HDAC9: variants seen among roughly 807,000 people sequenced by gnomAD.
HDAC9 encodes the protein histone deacetylase 9, also known as MEF-2 interacting transcription repressor (MITR) protein.
A neutral mutation model predicts 139.4 loss-of-function variants in HDAC9; 41 were observed. The observed-to-expected ratio is 0.29, with a 90% confidence interval of 0.23 to 0.38. The LOEUF (loss-of-function observed/expected upper bound fraction) is 0.38. Among genes scored for constraint, HDAC9 ranks in the 10% least tolerant of loss-of-function variants. HDAC9 has a pLI of 1.00. For missense variants in HDAC9, 1,147 were observed against 1,297.0 expected, an observed-to-expected ratio of 0.88 and a Z score of 1.78; for synonymous variants, 517 against 476.2, an observed-to-expected ratio of 1.09 and a Z score of -1.12.
intron 1 of HDAC9, among the ~76,000 whole-genome samples, chr7:18,392,396 GATGGATAGATA>G (rs1786607710): frequency 1.7e-5 from 2 of 120,300 alleles, no homozygotes; most frequent in African/African-American, 3.3e-5. Context: ...TGGATAGATA[GATGGATAGATA>G]GATAGATAGA....
At chr7:18,331,613 C>T (rs1467816553) in intron 1 of HDAC9, among the ~76,000 whole-genome samples, 1 of 141,024 alleles carries the variant, frequency 7.1e-6, no homozygotes, top group East Asian at 2.0e-4. Context: ...TATCCCAGAA[C>T]TTAAAGTATA....
intron 13 of HDAC9, among the ~76,000 whole-genome samples, chr7:18,740,889 T>C (rs1482946049): frequency 6.6e-6 from 1 of 152,210 alleles, no homozygotes; most frequent in African/African-American, 2.4e-5. Flanking sequence ...GAGAGAGTTT[T>C]AGTGGTCTTG....
chr7:18,745,039 T>C (rs1787813372), intron 13 of HDAC9, among the ~76,000 whole-genome samples: 1 of 152,166 alleles, frequency 6.6e-6, no homozygotes, highest in South Asian at 2.1e-4. Flanking sequence ...TATGTTATAT[T>C]GCAAATGGTA....
Position 18,671,686 on chromosome 7 carries a change from C to T in HDAC9, c.1731+5210C>T, listed in dbSNP as rs111496186. 1.3e-3 allele frequency among the ~76,000 whole-genome samples: 195 copies of T among 151,972 alleles called. 2 individuals are homozygous for T. The highest frequency in any genetic ancestry group is 4.3e-3 in the African/African-American group (179 of 41,470). ...TCCAAAACACTTCCATTAACCCCAA[C>T]TCAAAAAAAAATCTTGTACCAACTA... is the stretch of plus-strand genomic sequence containing the variant. On this transcript the variant is annotated intron_variant, in intron 12 of 25. Transcript: ENST00000686413.
chr7:18,551,185 T>C (rs1166883439), intron 2 of HDAC9, among the ~76,000 whole-genome samples: 2 of 152,168 alleles, frequency 1.3e-5, no homozygotes, highest in Non-Finnish European at 2.9e-5. Flanking sequence ...ACAACCAATA[T>C]GGAGAAGATG....
At chr7:18,276,799 CCTGT>C (rs1404737453) in intron 2 of HDAC9, among the ~76,000 whole-genome samples, 5 of 152,082 alleles carry the variant, frequency 3.3e-5, no homozygotes, top group Non-Finnish European at 4.4e-5. Context: ...TTCATTTTAG[CCTGT>C]CTAATATTTA....
intron 8 of HDAC9, among the ~76,000 whole-genome samples, chr7:18,639,391 T>C (rs550509059): frequency 7.9e-5 from 12 of 152,222 alleles, no homozygotes; most frequent in African/African-American, 2.9e-4. Context: ...TATTTTAAAG[T>C]AAGATCTTTA....
chr7:18,829,594 A>C (rs1265108185), intron 19 of HDAC9, 46 bp downstream of exon 19: 2 of 1,194,918 alleles, frequency 1.7e-6, no homozygotes, highest in Admixed American at 3.7e-5. Flanking sequence ...TTCTAGATAA[A>C]GGGGAGTGGA....
rs185507277 is a variant in HDAC9, at chr7:18,556,961, A to G, written c.23-28320A>G. ...TCTTTTATTTGCTTCCTGTATGGCA[A>G]GTTCAGAAACCTATTAATATTGCTA... is the stretch of plus-strand genomic sequence containing the variant. On this transcript the variant is annotated intron_variant, in intron 2 of 25. Transcript: ENST00000686413. Among the ~76,000 whole-genome samples, 6 of 152,190 alleles carry G rather than the reference A, an allele frequency of 3.9e-5. No homozygotes were observed. The East Asian group carries it at 7.7e-4, about 20-fold the overall frequency.
chr7:18,732,665 GTGTA>G lies in HDAC9; in HGVS notation c.1909+4910_1909+4913del, dbSNP rs1455674010. ...CATATGTGTATATATACACACACAC[GTGTA>G]TATGTGTGCGTATGTGTACACACAC... On this transcript the variant is annotated intron_variant, in intron 13 of 25. Transcript: ENST00000686413. Among the ~76,000 whole-genome samples the G allele has an allele frequency of 1.4e-4, 20 of 138,874 alleles. 5 individuals are homozygous for G. The highest frequency in any genetic ancestry group is 4.8e-4 in the African/African-American group (17 of 35,366). The allele number at this position is 138,874 out of a possible 152,430, so 91.1% of individuals were successfully genotyped here. A position where few individuals can be genotyped will look rare whatever the true frequency, so the allele number is the denominator to read the frequency against.
chr7:18,408,962 G>C (rs1003937972), intron 1 of HDAC9, among the ~76,000 whole-genome samples: 3 of 152,134 alleles, frequency 2.0e-5, no homozygotes, highest in African/African-American at 7.2e-5. Flanking sequence ...GCTTTTTGGA[G>C]ATAATCAAAT....
At chr7:18,603,692 G>C (rs147595899) in intron 6 of HDAC9, among the ~76,000 whole-genome samples, 2 of 152,052 alleles carry the variant, frequency 1.3e-5, no homozygotes, top group East Asian at 3.9e-4. Context: ...TTAACTATTA[G>C]ATCAATTGAT....
chr7:18,447,017 T>C (rs1481831269), intron 1 of HDAC9, among the ~76,000 whole-genome samples: 1 of 152,150 alleles, frequency 6.6e-6, no homozygotes, highest in Non-Finnish European at 1.5e-5. Context: ...AAACAAAAAG[T>C]TTTGAATATT....
chr7:18,290,572 TG>T, intron 1 of HDAC9: 1 of 456,358 alleles, frequency 2.2e-6, no homozygotes, highest in Non-Finnish European at 4.4e-6. Flanking sequence ...GTGGGGTAGA[TG>T]TTTTTAAGTC....
chr7:18,382,798 C>G (rs1191232112), intron 1 of HDAC9, among the ~76,000 whole-genome samples: 2 of 152,116 alleles, frequency 1.3e-5, no homozygotes, highest in Non-Finnish European at 2.9e-5. Context: ...AGACAAATAT[C>G]TCCATTCATG....
intron 1 of HDAC9, among the ~76,000 whole-genome samples, chr7:18,124,245 G>A (rs1784525704): frequency 6.6e-6 from 1 of 152,172 alleles, no homozygotes; most frequent in Non-Finnish European, 1.5e-5. Context: ...ATATCTGTTG[G>A]GTGAATGTTA....
intron 1 of HDAC9, among the ~76,000 whole-genome samples, chr7:18,104,175 A>G (rs945107506): frequency 7.9e-5 from 12 of 152,142 alleles, no homozygotes; most frequent in African/African-American, 2.9e-4. Flanking sequence ...TTTTTCTTTT[A>G]TCAACTTTAT....
At chr7:18,341,927 C>T (rs570731378) in intron 1 of HDAC9, among the ~76,000 whole-genome samples, 1 of 151,802 alleles carries the variant, frequency 6.6e-6, no homozygotes, top group Non-Finnish European at 1.5e-5. Context: ...TCAGGCATGA[C>T]TAGAGTAATG....
intron 1 of HDAC9, chr7:18,430,726 CA>C (rs61398820): frequency 0.92 from 136,710 of 148,756 alleles, 63,202 homozygotes; most frequent in Non-Finnish European, 0.98. Context: ...TACTAAAATA[CA>C]AAAAAAAAAA....
Sources: allele counts gnomAD v4.1 joint callset (sites outside exome capture counted in the v4.1 genomes callset), GRCh38; gene constraint gnomAD v4.1.1; transcripts MANE v1.5; gene names NCBI Gene and HGNC (gene_info 2026-07-23, HGNC 2026-07-21).